Variants in PLS3 observed in about 807,000 individuals in gnomAD.
The protein encoded by PLS3 is plastin-3.
PLS3 carries 11 observed loss-of-function variants against 46.5 expected under a neutral mutation model. That is an observed-to-expected ratio of 0.24 (90% confidence interval 0.15 to 0.39). The LOEUF (loss-of-function observed/expected upper bound fraction) is 0.39. PLS3 is among the 10% of genes least tolerant of loss of function. PLS3 has a pLI of 1.00. For synonymous variants in PLS3, 167 were observed against 162.2 expected, an observed-to-expected ratio of 1.03 and a Z score of -0.22; for missense variants, 308 against 461.8, an observed-to-expected ratio of 0.67 and a Z score of 3.05.
At chrX:115,582,814 G>A (rs1252329854) in intron 1 of PLS3, among the ~76,000 whole-genome samples, 2 of 112,426 alleles carry the variant, frequency 1.8e-5, no homozygotes, top group East Asian at 5.6e-4. Context: ...CGACGCGGGC[G>A]GATCACTTGA....
intron 2 of PLS3, among the ~76,000 whole-genome samples, chrX:115,616,873 C>CA (rs1556636869): frequency 9.0e-6 from 1 of 111,423 alleles, no homozygotes; most frequent in Non-Finnish European, 1.9e-5. Context: ...TTGACTCTAA[C>CA]TAACACTAAA....
intron 3 of PLS3, among the ~76,000 whole-genome samples, chrX:115,626,805 A>G (rs915418696): frequency 3.6e-5 from 4 of 110,281 alleles, no homozygotes; most frequent in Non-Finnish European, 7.6e-5. Context: ...ATTAGGATAT[A>G]TAGCAGAGAC....
intron 3 of PLS3, among the ~76,000 whole-genome samples, chrX:115,626,292 T>C (rs185284003): frequency 0.012 from 1,336 of 110,502 alleles, 11 homozygotes; most frequent in Non-Finnish European, 0.018. Context: ...TTTACTTTTT[T>C]TTTTTTTTTG....
At chrX:115,567,874 G>A (rs782433034) in intron 1 of PLS3, among the ~76,000 whole-genome samples, 28 of 109,262 alleles carry the variant, frequency 2.6e-4, no homozygotes, top group Non-Finnish European at 3.4e-4. Flanking sequence ...AAAGTTTTAC[G>A]TGATATATAA....
At chrX:115,605,100 A>T (rs1556635117) in intron 1 of PLS3, among the ~76,000 whole-genome samples, 1 of 112,044 alleles carries the variant, frequency 8.9e-6, no homozygotes, top group Non-Finnish European at 1.9e-5. Context: ...GCATTTCTTT[A>T]TTTCCTTTCA....
chrX:115,608,545 A>G (rs1381267734), intron 1 of PLS3, among the ~76,000 whole-genome samples: 4 of 112,174 alleles, frequency 3.6e-5, no homozygotes, highest in African/African-American at 1.3e-4. Flanking sequence ...CAGTTGTAAC[A>G]AACGTACCAC....
chrX:115,613,508 A>G (rs1371976466), intron 2 of PLS3, among the ~76,000 whole-genome samples: 3 of 111,755 alleles, frequency 2.7e-5, no homozygotes, highest in East Asian at 5.6e-4. Flanking sequence ...GCCTTAAAAC[A>G]AAAACAAAAC....
At chrX:115,614,322 A>C (rs1373779421) in intron 2 of PLS3, 2 of 751,677 alleles carry the variant, frequency 2.7e-6, no homozygotes, top group East Asian at 3.0e-4. Context: ...ATGATGGCCA[A>C]ACTGCTGGAA....
At chrX:115,561,615 T>G (rs190835842) in intron 1 of PLS3, among the ~76,000 whole-genome samples, 3,899 of 111,672 alleles carry the variant, frequency 0.035, 162 homozygotes, top group African/African-American at 0.12. Flanking sequence ...CTGATTCCCC[T>G]CCGCGGCTGC....
chrX:115,570,225 G>A (rs940532398), intron 1 of PLS3, among the ~76,000 whole-genome samples: 1 of 110,530 alleles, frequency 9.0e-6, no homozygotes, highest in Non-Finnish European at 1.9e-5. Flanking sequence ...ATGAGCCACC[G>A]CGCCTGGGCC....
At chrX:115,595,758 T>G (rs1556633754) in intron 1 of PLS3, among the ~76,000 whole-genome samples, 1 of 101,473 alleles carries the variant, frequency 9.9e-6, no homozygotes, top group Non-Finnish European at 2.0e-5. Flanking sequence ...GGCACGATCT[T>G]GGCTCATGCA....
chrX:115,615,564 C>T (rs1013299269), intron 2 of PLS3, among the ~76,000 whole-genome samples: 5 of 102,708 alleles, frequency 4.9e-5, no homozygotes, highest in Non-Finnish European at 9.9e-5. Flanking sequence ...TGATTCTTTT[C>T]TTATGAATTC....
At position 115,626,819 on chromosome X, in the gene PLS3, C is replaced by CTA. The variant is rs1392259219; in HGVS notation, c.238-2371_238-2370dup. ...CATTAGGATATATAGCAGAGACATT[C>CTA]TATATATATGTATATATATGTTTAA... is the stretch of plus-strand genomic sequence containing the variant. On this transcript the variant is annotated intron_variant, in intron 3 of 15. Transcript: ENST00000355899. Among the ~76,000 whole-genome samples the CTA allele has an allele frequency of 4.6e-5, 5 of 109,176 alleles. No individual in the cohort carries two copies. The South Asian group carries it at 2.0e-3, about 43-fold the overall frequency. 94.8% of individuals were successfully genotyped at this position (109,176 alleles called of 115,157 possible). A position where few individuals can be genotyped will look rare whatever the true frequency, so the allele number is the denominator to read the frequency against.
intron 1 of PLS3, among the ~76,000 whole-genome samples, chrX:115,585,142 A>C (rs1488269060): frequency 9.0e-6 from 1 of 111,497 alleles, no homozygotes; most frequent in African/African-American, 3.3e-5. Flanking sequence ...TCATAGTGGA[A>C]GCATTATACC....
chrX:115,606,491 T>C, intron 1 of PLS3, among the ~76,000 whole-genome samples: 1 of 111,101 alleles, frequency 9.0e-6, no homozygotes, highest in Non-Finnish European at 1.9e-5. Flanking sequence ...AGCTCAGTTG[T>C]ATAGGTTTGT....
intron 3 of PLS3, among the ~76,000 whole-genome samples, chrX:115,623,391 C>T (rs1363390121): frequency 6.3e-5 from 7 of 110,584 alleles, no homozygotes; most frequent in African/African-American, 1.6e-4. Flanking sequence ...CCTGGTAGCT[C>T]GAGCCTATAG....
chrX:115,609,537 T>C (rs1027742373), intron 1 of PLS3, among the ~76,000 whole-genome samples: 11 of 111,933 alleles, frequency 9.8e-5, no homozygotes, highest in African/African-American at 3.6e-4. Context: ...AATTTTCCTT[T>C]AATAACCATA....
At chrX:115,629,459 T>C in intron 4 of PLS3, 132 bp downstream of exon 4, 1 of 557,741 alleles carries the variant, frequency 1.8e-6, no homozygotes, top group Non-Finnish European at 2.9e-6. Flanking sequence ...GACATGTATT[T>C]AGGCTTGAGA....
rs146231135 is a variant in PLS3 at position 115,615,613 on chromosome X, A to G, written c.73+5290A>G. Among the ~76,000 whole-genome samples, 697 of 109,573 alleles carry G rather than the reference A, an allele frequency of 6.4e-3. 5 individuals carry two copies. The highest frequency in any genetic ancestry group is 0.022 in the African/African-American group (648 of 30,076). ...TATGAAAAATGGGCCTGTCTGGTGC[A>G]GCACTGGGAGCTGCGTAGTGATTTT... On this transcript the variant is annotated intron_variant, in intron 2 of 15. Coordinates refer to ENST00000355899, the MANE Select transcript of PLS3 (RefSeq NM_005032.7).
Sources: allele counts gnomAD v4.1 joint callset (sites outside exome capture counted in the v4.1 genomes callset), GRCh38; gene constraint gnomAD v4.1.1; transcripts MANE v1.5; gene names NCBI Gene and HGNC (gene_info 2026-07-23, HGNC 2026-07-21).